Variants in NFAM1 observed in about 807,000 individuals in gnomAD.
NFAM1 encodes the protein NFAT activation molecule 1.
NFAM1 carries 17 observed loss-of-function variants against 29.0 expected under a neutral mutation model. The ratio of observed to expected loss-of-function variants is 0.59; its 90% CI spans 0.40 to 0.88. The LOEUF is 0.88. NFAM1 is among the 40% of genes least tolerant of loss of function. The pLI is 0.00. For synonymous variants in NFAM1, 175 were observed against 147.2 expected, an observed-to-expected ratio of 1.19 and a Z score of -1.36; for missense variants, 324 against 344.6, an observed-to-expected ratio of 0.94 and a Z score of 0.47.
chr22:42,389,417 G>A (rs1929257659), intron 4 of NFAM1, among the ~76,000 whole-genome samples: 1 of 152,188 alleles, frequency 6.6e-6, no homozygotes, highest in South Asian at 2.1e-4. Context: ...GACAAGTCCT[G>A]ACCCGCTGGG....
the NFAM1 span, among the ~76,000 whole-genome samples, chr22:42,437,849 G>A: frequency 6.6e-6 from 1 of 152,170 alleles, no homozygotes; most frequent in Non-Finnish European, 1.5e-5. Flanking sequence ...TGTGCCGGCG[G>A]AGGGCTGTCG....
intron 3 of NFAM1, among the ~76,000 whole-genome samples, chr22:42,400,479 G>A (rs1232489512): frequency 1.3e-5 from 2 of 152,142 alleles, no homozygotes; most frequent in Non-Finnish European, 2.9e-5. Context: ...TTAGCCATGT[G>A]TGGTGGTGAG....
At chr22:42,434,002 G>A (rs765073755), upstream of NFAM1, among the ~76,000 whole-genome samples, 11 of 152,060 alleles carry the variant, frequency 7.2e-5, no homozygotes, top group Non-Finnish European at 4.4e-5. Flanking sequence ...AAACTGCCTC[G>A]GAACAAGGGA....
At chr22:42,385,313 C>G in intron 5 of NFAM1, 93 bp from the exon 6 acceptor site, 1 of 895,058 alleles carries the variant, frequency 1.1e-6, no homozygotes, top group South Asian at 1.3e-5. Flanking sequence ...AGCCAGAGGG[C>G]AACAGATCAC....
chr22:42,389,990 G>A (rs150697620), intron 4 of NFAM1, among the ~76,000 whole-genome samples: 3 of 152,284 alleles, frequency 2.0e-5, no homozygotes, highest in Non-Finnish European at 4.4e-5. Flanking sequence ...CCAGGCAGTG[G>A]AAATGGGGAG....
intron 1 of NFAM1, among the ~76,000 whole-genome samples, chr22:42,415,720 G>A (rs1261824004): frequency 6.6e-6 from 1 of 152,212 alleles, no homozygotes; most frequent in East Asian, 1.9e-4. Flanking sequence ...AGGCTGTAGA[G>A]GTCTAGGCCC....
intron 1 of NFAM1, among the ~76,000 whole-genome samples, chr22:42,424,069 G>A (rs1326968455): frequency 6.6e-6 from 1 of 151,920 alleles, no homozygotes; most frequent in East Asian, 1.9e-4. Flanking sequence ...CCAAAGTGCT[G>A]GGATTACAGA....
chr22:42,380,539 AG>A lies in NFAM1; in HGVS notation c.*4621del, dbSNP rs1341931575. The stretch of plus-strand genomic sequence containing the variant: ...GTCTGGCCTGACCCGCGCTCAGTCA[AG>A]GCTGAGGCCATCATTCTGACCACAG... On this transcript the variant is annotated 3_prime_UTR_variant, in exon 6 of 6. Coordinates refer to ENST00000329021, the MANE Select transcript of NFAM1 (RefSeq NM_145912.8). 1 of 152,690 alleles carries A rather than the reference AG, an allele frequency of 6.5e-6. No individual in the cohort carries two copies. The highest frequency in any genetic ancestry group is 1.9e-4 in the East Asian group (1 of 5,190). 9.5% of individuals were successfully genotyped at this position (152,690 alleles called of 1,614,324 possible).
chr22:42,406,936 C>T (rs559298171), intron 3 of NFAM1, among the ~76,000 whole-genome samples: 13 of 152,032 alleles, frequency 8.6e-5, no homozygotes, highest in Non-Finnish European at 1.5e-4. Flanking sequence ...CCACCACACC[C>T]GGCTAATTTT....
chr22:42,411,472 T>C lies in NFAM1; in HGVS notation c.386A>G (p.Tyr129Cys). Residue 129 changes from tyrosine (Y) to cysteine (C), a missense_variant, in exon 2 of 6, where the codon TAC (tyrosine) becomes TGC (cysteine). Tyr to Cys is a radical substitution (Grantham distance 194). Transcript: ENST00000329021. ...VLPGASATGT[Y>C]YCSVHWPHST... The stretch of plus-strand genomic sequence containing the variant: ...GTGTGGCCAGTGGACAGAGCAGTAG[T>C]AGGTGCCAGTGGCCGATGCTCCCGG... The C allele has an allele frequency of 6.2e-7, 1 of 1,614,182 alleles. No homozygotes were observed. The highest frequency in any genetic ancestry group is 8.5e-7 in the Non-Finnish European group (1 of 1,180,022).
chr22:42,436,981 G>A (rs546780014), upstream of NFAM1: 528 of 983,804 alleles, frequency 5.4e-4, no homozygotes, highest in Middle Eastern at 1.0e-3. Context: ...GAGGGGACCC[G>A]GGCTTTTCTA....
intron 4 of NFAM1, among the ~76,000 whole-genome samples, chr22:42,391,267 A>T (rs1929331242): frequency 6.7e-6 from 1 of 149,644 alleles, no homozygotes; most frequent in African/African-American, 2.5e-5. Context: ...TCTCTGTCTC[A>T]GAGGGCTCTG....
chr22:42,388,259 A>G lies in NFAM1; in HGVS notation c.664-1181T>C, dbSNP rs1186437674. ...TTAACCGCTCCATGCCTCAGTTTCC[A>G]CGTCTGTAAAATGGGAATAATCACA... On this transcript the variant is annotated intron_variant, in intron 4 of 5. Coordinates refer to ENST00000329021, the MANE Select transcript of NFAM1 (RefSeq NM_145912.8). The surrounding 1 kb of genome is among the most constrained non-coding windows in gnomAD (Gnocchi z 4.1). 6.6e-6 allele frequency among the ~76,000 whole-genome samples: 1 copy of G among 152,230 alleles called. No homozygotes were observed. Among genetic ancestry groups the G allele is most frequent in the Non-Finnish European group, 1.5e-5 (1 of 68,034 alleles).
intron 1 of NFAM1, among the ~76,000 whole-genome samples, chr22:42,416,682 T>A (rs1408036929): frequency 1.3e-5 from 2 of 152,150 alleles, no homozygotes; most frequent in Non-Finnish European, 2.9e-5. Flanking sequence ...CACCCCAGGC[T>A]GAGAGGGGCT....
chr22:42,402,831 C>CTTCT (rs1555970270), intron 3 of NFAM1, among the ~76,000 whole-genome samples: 6 of 97,130 alleles, frequency 6.2e-5, no homozygotes, highest in African/African-American at 2.8e-4. Flanking sequence ...TCTGTGCCTT[C>CTTCT]TTTTTTTTTT....
Position 42,420,020 on chromosome 22 carries a change from T to G in NFAM1, c.122-8284A>C, listed in dbSNP as rs562859557. Among the ~76,000 whole-genome samples the G allele has an allele frequency of 2.0e-3, 233 of 118,074 alleles. 4 individuals are homozygous for G. Among genetic ancestry groups the G allele is most frequent in the African/African-American group, 5.0e-3 (141 of 27,922 alleles). 77.5% of individuals were successfully genotyped at this position (118,074 alleles called of 152,430 possible). A position where few individuals can be genotyped will look rare whatever the true frequency, so the allele number is the denominator to read the frequency against. ...TTTTTTTTTTTTTTTTTTTTTTTTT[T>G]TTTTTTCTGAGGCAGAATTTTGCTC... On this transcript the variant is annotated intron_variant, in intron 1 of 5. Transcript: ENST00000329021.
intron 4 of NFAM1, among the ~76,000 whole-genome samples, chr22:42,392,973 T>C (rs1929394740): frequency 6.6e-6 from 1 of 152,030 alleles, no homozygotes; most frequent in African/African-American, 2.4e-5. Context: ...CTAATTTTTG[T>C]ATTTTTAGTA....
At chr22:42,427,714 C>T (rs2146557838) in intron 1 of NFAM1, among the ~76,000 whole-genome samples, 1 of 152,252 alleles carries the variant, frequency 6.6e-6, no homozygotes, top group South Asian at 2.1e-4. Flanking sequence ...AAACATAATG[C>T]TCAGTGAAAG....
chr22:42,424,143 C>A (rs895134908), intron 1 of NFAM1, among the ~76,000 whole-genome samples: 1 of 149,480 alleles, frequency 6.7e-6, no homozygotes, highest in African/African-American at 2.5e-5. Flanking sequence ...TGGCTGGGCG[C>A]GGTGGCTCAT....
Sources: gnomAD v4.1 joint callset for allele counts (sites outside exome capture counted in the v4.1 genomes callset) on GRCh38, gnomAD v4.1.1 for gene constraint, Gnocchi (gnomAD v3.1) non-coding constraint, MANE v1.5 for transcripts, NCBI Gene and HGNC (gene_info 2026-07-23, HGNC 2026-07-21) for gene names.